CALM2: variants seen among roughly 807,000 people sequenced by gnomAD.
CALM2 encodes the protein calmodulin-2.
Under a neutral mutation model 19.8 loss-of-function variants are expected in CALM2, and 2 were observed. That is an observed-to-expected ratio of 0.10 (90% CI 0.04 to 0.32). The LOEUF (loss-of-function observed/expected upper bound fraction) is 0.32. Ranked by LOEUF, CALM2 falls within the 10% of genes least tolerant of loss-of-function variation. The pLI, the probability that CALM2 is intolerant of heterozygous loss-of-function variation, is 1.00. For missense variants in CALM2, 38 were observed against 178.7 expected (o/e 0.21, Z 4.49); for synonymous variants, 51 against 52.1 (o/e 0.98, Z 0.09).
intron 1 of CALM2, 33 bp downstream of exon 1, chr2:47,176,408 G>T: frequency 6.2e-7 from 1 of 1,611,810 alleles, no homozygotes; most frequent in Non-Finnish European, 8.5e-7. Context: ...TCCCCCCACA[G>T]GCCCAGCGCC....
chr2:47,169,408 C>T (rs1001958249), intron 2 of CALM2, among the ~76,000 whole-genome samples: 1 of 152,140 alleles, frequency 6.6e-6, no homozygotes, highest in African/African-American at 2.4e-5. Context: ...GATCCTGCTG[C>T]CTCAGCCTCC....
In CALM2 at chr2:47,176,136, C is replaced by T. The variant is rs566785031; in HGVS notation, c.3+305G>A. ...CCCTTCCTTCACTTTCTCTCCTTCC[C>T]GTGCACTGGGCTGTCCCTCATCCCG... On this transcript the variant is annotated intron_variant, in intron 1 of 5. Coordinates refer to ENST00000272298, the MANE Select transcript of CALM2 (RefSeq NM_001743.6). 2.2e-5 allele frequency: 9 copies of T among 406,970 alleles called. No homozygotes were observed. The South Asian group carries it at 3.8e-4, about 17-fold the overall frequency. The allele number at this position is 406,970 out of a possible 1,614,324, so 25.2% of individuals were successfully genotyped here. A position where few individuals can be genotyped will look rare whatever the true frequency, so the allele number is the denominator to read the frequency against.
In CALM2 at chr2:47,176,500, T is replaced by G. The variant is rs1666878516; in HGVS notation, c.-57A>C. 6.2e-7 allele frequency: 1 copy of G among 1,609,898 alleles called. No homozygotes were observed. The highest frequency in any genetic ancestry group is 8.5e-7 in the Non-Finnish European group (1 of 1,178,478). On this transcript the variant is annotated 5_prime_UTR_variant, in exon 1 of 6. Transcript: ENST00000272298. ...CCACACAACCACTCAGCTCGCTCTC[T>G]CCACTCGGACTAATTCGCCTCCTCC...
chr2:47,163,090 C>A (rs1236775976), intron 2 of CALM2: 1 of 156,204 alleles, frequency 6.4e-6, no homozygotes, highest in Non-Finnish European at 1.4e-5. Context: ...ACCTAACCTA[C>A]ACTCACAAAA....
chr2:47,176,399 C>A, intron 1 of CALM2, 42 bp downstream of exon 1: 1 of 1,609,292 alleles, frequency 6.2e-7, no homozygotes, highest in Non-Finnish European at 8.5e-7. Context: ...CCAGTCTCTT[C>A]CCCCCACAGG....
intron 1 of CALM2, among the ~76,000 whole-genome samples, chr2:47,175,097 T>TTTTTTTTTTTTTTTTTC (rs751897252): frequency 1.6e-5 from 2 of 126,630 alleles, no homozygotes; most frequent in African/African-American, 7.8e-5. Context: ...TTTTTTTTTT[T>TTTTTTTTTTTTTTTTTC]TCAGGAAAGA....
At chr2:47,174,688 A>C (rs1416949508) in intron 1 of CALM2, among the ~76,000 whole-genome samples, 1 of 152,136 alleles carries the variant, frequency 6.6e-6, no homozygotes, top group Non-Finnish European at 1.5e-5. Flanking sequence ...CCAAGAAAAA[A>C]TCTATTCGAA....
At chr2:47,171,074 T>C (rs1666650478) in intron 1 of CALM2, 4 of 240,608 alleles carry the variant, frequency 1.7e-5, no homozygotes, top group South Asian at 1.1e-4. Flanking sequence ...ATTCCAGATA[T>C]AAATCACCAG....
rs117059826 is a variant in CALM2 at position 47,175,154 on chromosome 2, C to G, written c.3+1287G>C. Among the ~76,000 whole-genome samples, 8 of 132,332 alleles carry G rather than the reference C, an allele frequency of 6.0e-5. No homozygotes were observed. In the East Asian group the frequency reaches 1.9e-3, roughly 32 times the overall value. The allele number at this position is 132,332 out of a possible 152,430, so 86.8% of individuals were successfully genotyped here. A position where few individuals can be genotyped will look rare whatever the true frequency, so the allele number is the denominator to read the frequency against. On this transcript the variant is annotated intron_variant, in intron 1 of 5. Coordinates refer to ENST00000272298, the MANE Select transcript of CALM2 (RefSeq NM_001743.6). ...TGACCGGAAAATGCTTTTAAAAATT[C>G]CCTGCTCCTCCCCCGCATACACTCT...
intron 2 of CALM2, 46 bp from the exon 3 acceptor site, chr2:47,162,708 A>G (rs1354237177): frequency 2.0e-6 from 3 of 1,468,996 alleles, no homozygotes; most frequent in Non-Finnish European, 2.8e-6. Context: ...ATTAATAATA[A>G]AATGTAACCT....
intron 2 of CALM2, among the ~76,000 whole-genome samples, chr2:47,166,811 C>T (rs1046755167): frequency 6.6e-6 from 1 of 152,102 alleles, no homozygotes; most frequent in Non-Finnish European, 1.5e-5. Context: ...CCTAAACACA[C>T]AATAAAGAGA....
chr2:47,168,927 G>A (rs1240011243), intron 2 of CALM2, among the ~76,000 whole-genome samples: 5 of 152,026 alleles, frequency 3.3e-5, no homozygotes, highest in Non-Finnish European at 7.4e-5. Context: ...ACAGGTGCAC[G>A]CCACCATGCC....
chr2:47,170,689 T>TA (rs771663307), intron 2 of CALM2, 45 bp downstream of exon 2: 20 of 1,501,464 alleles, frequency 1.3e-5, no homozygotes, highest in Non-Finnish European at 1.8e-5. Context: ...CTATTCAATT[T>TA]ATAATAAGAA....
intron 3 of CALM2, 60 bp from the exon 4 acceptor site, chr2:47,162,452 G>A (rs1003389041): frequency 1.9e-6 from 3 of 1,608,502 alleles, no homozygotes; most frequent in South Asian, 2.2e-5. Flanking sequence ...AAACAGCAAA[G>A]GTTTAGTGGA....
Position 47,162,385 on chromosome 2 carries a change from G to A in CALM2, c.186C>T (p.Gly62=). The A allele has an allele frequency of 1.2e-6, 2 of 1,609,150 alleles. No individual in the cohort carries two copies. The highest frequency in any genetic ancestry group is 1.7e-6 in the Non-Finnish European group (2 of 1,176,872). Residue 62 remains glycine, a synonymous_variant, in exon 4 of 6, where the codon GGC becomes GGT. Coordinates refer to ENST00000272298, the MANE Select transcript of CALM2 (RefSeq NM_001743.6). ...MINEVDADGN[G]TIDFPEFLTM... Reference sequence around the variant, plus strand: ...TCAGAAATTCAGGGAAGTCAATTGTGCCATTACCTGAAATGGTTTAGTGGA... The same window carrying A: ...TCAGAAATTCAGGGAAGTCAATTGTACCATTACCTGAAATGGTTTAGTGGA...
intron 2 of CALM2, among the ~76,000 whole-genome samples, chr2:47,169,209 T>C (rs1039675302): frequency 6.6e-6 from 1 of 152,196 alleles, no homozygotes; most frequent in Non-Finnish European, 1.5e-5. Context: ...ACTGGGAATA[T>C]TAAGAAATGT....
At chr2:47,168,783 CTT>C (rs11291626) in intron 2 of CALM2, among the ~76,000 whole-genome samples, 46 of 149,228 alleles carry the variant, frequency 3.1e-4, no homozygotes, top group African/African-American at 3.4e-4. Context: ...TAGACACAAA[CTT>C]TTTTTTTTTT....
chr2:47,175,040 A>C (rs1666800597), intron 1 of CALM2, among the ~76,000 whole-genome samples: 1 of 150,776 alleles, frequency 6.6e-6, no homozygotes, highest in Non-Finnish European at 1.5e-5. Context: ...TGGCAGGAGG[A>C]ACCACAAAGT....
chr2:47,161,039 TA>T (rs1416323872), intron 5 of CALM2, among the ~76,000 whole-genome samples: 5 of 152,150 alleles, frequency 3.3e-5, no homozygotes, highest in Non-Finnish European at 7.4e-5. Context: ...TAGGCCAATA[TA>T]AAAAAGAGCA....
Sources: gnomAD v4.1 joint callset for allele counts (sites outside exome capture counted in the v4.1 genomes callset) on GRCh38, gnomAD v4.1.1 for gene constraint, MANE v1.5 for transcripts, NCBI Gene and HGNC (gene_info 2026-07-23, HGNC 2026-07-21) for gene names.